WWTR1: variants seen among roughly 807,000 people sequenced by gnomAD.
WWTR1 encodes WW domain containing transcription regulator 1, also known as WW domain-containing transcription regulator protein 1.
A neutral mutation model predicts 40.1 loss-of-function variants in WWTR1; 13 were observed. The observed-to-expected ratio is 0.32, with a 90% CI of 0.21 to 0.52. WWTR1 has a LOEUF of 0.52. Among genes scored for constraint, WWTR1 ranks in the 20% least tolerant of loss-of-function variants. WWTR1 has a pLI of 0.97. For missense variants in WWTR1, 436 were observed against 523.1 expected, an observed-to-expected ratio of 0.83 and a Z score of 1.63; for synonymous variants, 230 against 210.1, an observed-to-expected ratio of 1.09 and a Z score of -0.82.
chr3:149,692,625 T>C (rs1433474290), intron 1 of WWTR1, among the ~76,000 whole-genome samples: 2 of 137,648 alleles, frequency 1.5e-5, no homozygotes, highest in Non-Finnish European at 3.0e-5. Context: ...CACTGTTTGT[T>C]TGTTTGTTTG....
intron 2 of WWTR1, among the ~76,000 whole-genome samples, chr3:149,605,921 T>G (rs949002290): frequency 1.2e-4 from 19 of 152,298 alleles, no homozygotes; most frequent in Admixed American, 1.2e-3. Flanking sequence ...GGTGTGAATG[T>G]CTGTGTCCCC....
chr3:149,608,498 G>A (rs1340156093), intron 2 of WWTR1, among the ~76,000 whole-genome samples: 1 of 151,418 alleles, frequency 6.6e-6, no homozygotes, highest in Admixed American at 6.6e-5. Flanking sequence ...CCATTTTCCT[G>A]CCTCAGCCTC....
chr3:149,530,454 A>G (rs1030698211), intron 4 of WWTR1, among the ~76,000 whole-genome samples: 3 of 152,054 alleles, frequency 2.0e-5, no homozygotes, highest in African/African-American at 7.2e-5. Context: ...AAAATACACT[A>G]TATATAACAC....
chr3:149,527,907 A>G lies in WWTR1; in HGVS notation c.834T>C (p.Ala278=). The part of the protein sequence containing the change: ...EAETLAPVQA[A]VNPPTMTPDM... ...CTGGGGTCATCGTGGGTGGGTTGAC[A>G]GCAGCCTGAACTGGGGCAAGAGTCT... Residue 278 remains alanine, a synonymous_variant, in exon 5 of 7, where the codon GCT becomes GCC. Coordinates refer to ENST00000360632, the MANE Select transcript of WWTR1 (RefSeq NM_015472.6). 1 of 1,614,172 alleles carries G rather than the reference A, an allele frequency of 6.2e-7. No homozygotes were observed. The highest frequency in any genetic ancestry group is 8.5e-7 in the Non-Finnish European group (1 of 1,180,018).
chr3:149,530,622 T>C (rs1382133456), intron 4 of WWTR1, among the ~76,000 whole-genome samples: 1 of 151,568 alleles, frequency 6.6e-6, no homozygotes, highest in African/African-American at 2.4e-5. Context: ...TGTCTAAATA[T>C]ATAAATAAAA....
chr3:149,601,144 A>G (rs1255683401), intron 2 of WWTR1, among the ~76,000 whole-genome samples: 1 of 152,178 alleles, frequency 6.6e-6, no homozygotes, highest in Admixed American at 6.5e-5. Context: ...TCCAAATTCA[A>G]AAATGTATCA....
chr3:149,535,822 G>A (rs868226001), intron 4 of WWTR1, among the ~76,000 whole-genome samples: 3 of 151,952 alleles, frequency 2.0e-5, no homozygotes, highest in Admixed American at 6.6e-5. Flanking sequence ...AGACCAGCCT[G>A]GCCAACATGG....
chr3:149,654,593 A>C (rs2108157847), intron 2 of WWTR1, among the ~76,000 whole-genome samples: 1 of 152,328 alleles, frequency 6.6e-6, no homozygotes, highest in South Asian at 2.1e-4. Flanking sequence ...CTCTAAATCC[A>C]AGGCTAACTT....
chr3:149,628,727 C>CTTTT (rs1711497830), intron 2 of WWTR1, among the ~76,000 whole-genome samples: 1 of 146,530 alleles, frequency 6.8e-6, no homozygotes, highest in African/African-American at 2.6e-5. Context: ...ACAAATGATT[C>CTTTT]TTTTTATTTT....
intron 3 of WWTR1, among the ~76,000 whole-genome samples, chr3:149,558,002 CAA>C (rs10554239): frequency 0.076 from 6,278 of 82,778 alleles, 325 homozygotes; most frequent in African/African-American, 0.18. Context: ...GGCTCCATCT[CAA>C]AAAAAAAAAA....
chr3:149,723,740 G>C (rs1332877238), intron 4 of WWTR1, among the ~76,000 whole-genome samples: 1 of 152,160 alleles, frequency 6.6e-6, no homozygotes, highest in Non-Finnish European at 1.5e-5. Context: ...TATTCCCTGA[G>C]AGTCATTTCA....
chr3:149,683,323 T>C (rs988407889), intron 1 of WWTR1, among the ~76,000 whole-genome samples: 1 of 152,236 alleles, frequency 6.6e-6, no homozygotes, highest in Non-Finnish European at 1.5e-5. Flanking sequence ...GTTTTCATAA[T>C]GGGTTTACAC....
At chr3:149,625,158 G>C (rs1425170282) in intron 2 of WWTR1, among the ~76,000 whole-genome samples, 1 of 118,718 alleles carries the variant, frequency 8.4e-6, no homozygotes, top group African/African-American at 3.4e-5. Context: ...GTCTCGCTCT[G>C]TTGCCCAGGC....
At chr3:149,548,260 C>G (rs1736459157) in intron 3 of WWTR1, among the ~76,000 whole-genome samples, 1 of 152,178 alleles carries the variant, frequency 6.6e-6, no homozygotes, top group African/African-American at 2.4e-5. Flanking sequence ...GAACTTTTGC[C>G]TTTTGCAACA....
At chr3:149,585,013 GA>G (rs952350193) in intron 2 of WWTR1, among the ~76,000 whole-genome samples, 4 of 151,358 alleles carry the variant, frequency 2.6e-5, no homozygotes, top group East Asian at 1.9e-4. Context: ...TGCAAAAAAA[GA>G]AAAAAAATCA....
intron 3 of WWTR1, among the ~76,000 whole-genome samples, chr3:149,561,344 T>A (rs998028685): frequency 1.3e-5 from 2 of 152,126 alleles, no homozygotes; most frequent in Non-Finnish European, 2.9e-5. Flanking sequence ...AAGAACATAC[T>A]GAGAATCTAG....
At chr3:149,705,711 AGCACTGAAAACATATATTAGCTTGT>A (rs1471031784), upstream of WWTR1, among the ~76,000 whole-genome samples, 1 of 152,232 alleles carries the variant, frequency 6.6e-6, no homozygotes, top group African/African-American at 2.4e-5. Context: ...CTAATCATTA[AGCACTGAAAACATATATTAGCTTGT>A]GCACTCCTCA....
intron 1 of WWTR1, among the ~76,000 whole-genome samples, chr3:149,695,464 A>T (rs182421129): frequency 5.9e-5 from 9 of 152,242 alleles, no homozygotes; most frequent in African/African-American, 2.2e-4. Flanking sequence ...ATTAAAAATA[A>T]AAAAATTATT....
At chr3:149,527,739 G>C in intron 5 of WWTR1, 97 bp downstream of exon 5, 1 of 1,551,734 alleles carries the variant, frequency 6.4e-7, no homozygotes, top group African/African-American at 1.4e-5. Context: ...CAACCCTCAA[G>C]CTCCCCACCT....
Sources: allele counts gnomAD v4.1 joint callset (sites outside exome capture counted in the v4.1 genomes callset), GRCh38; gene constraint gnomAD v4.1.1; transcripts MANE v1.5; gene names NCBI Gene and HGNC (gene_info 2026-07-23, HGNC 2026-07-21).